The following SGMS2 variants were observed in gnomAD, a reference collection of about 807,000 sequenced individuals.
SGMS2 encodes the protein phosphatidylcholine:ceramide cholinephosphotransferase 2.
A neutral mutation model predicts 43.8 loss-of-function variants in SGMS2; 21 were observed. The observed-to-expected ratio is 0.48, with a 90% CI of 0.34 to 0.69. SGMS2 has a LOEUF of 0.69. Among genes scored for constraint, SGMS2 ranks in the 30% least tolerant of loss-of-function variants. The pLI is 0.01. For missense variants in SGMS2, 384 were observed against 443.2 expected (o/e 0.87, Z 1.20); for synonymous variants, 167 against 160.6 (o/e 1.04, Z -0.30).
chr4:107,830,140 C>T (rs1725809368), intron 1 of SGMS2, among the ~76,000 whole-genome samples: 1 of 152,166 alleles, frequency 6.6e-6, no homozygotes. Flanking sequence ...ATTTGGTTTT[C>T]TGTTCCTGTG....
At chr4:107,859,861 A>G (rs1411612931) in intron 2 of SGMS2, among the ~76,000 whole-genome samples, 2 of 152,184 alleles carry the variant, frequency 1.3e-5, no homozygotes, top group African/African-American at 2.4e-5. Context: ...CGTATGTTCT[A>G]ATTTAATCAC....
chr4:107,909,137 G>A (rs1273027472), intron 6 of SGMS2, among the ~76,000 whole-genome samples: 1 of 147,710 alleles, frequency 6.8e-6, no homozygotes, highest in African/African-American at 2.5e-5. Context: ...ACAGAGTCTT[G>A]TTCTATTGCC....
rs765796465 is a variant in SGMS2 at position 107,895,820 on chromosome 4, C to T, written c.267C>T (p.Asn89=). The T allele has an allele frequency of 5.0e-6, 8 of 1,613,848 alleles. No homozygotes were observed. In the South Asian group the frequency reaches 7.7e-5, roughly 16 times the overall value. The stretch of plus-strand genomic sequence containing the variant: ...TTGCCTTCATATATGCAGTTTTCAA[C>T]CTCGTCTTGACAACCGTCATGATCA... ...TGIAFIYAVF[N]LVLTTVMITV... The change falls in exon 3 of 7, where the codon AAC becomes AAT. Residue 89 remains asparagine (N), a synonymous_variant. Coordinates refer to ENST00000690982, the MANE Select transcript of SGMS2 (RefSeq NM_001375905.1).
chr4:107,847,081 G>A (rs1375379689), intron 1 of SGMS2, among the ~76,000 whole-genome samples: 1 of 151,674 alleles, frequency 6.6e-6, no homozygotes, highest in Admixed American at 6.6e-5. Flanking sequence ...CACTCTGATG[G>A]TAGTTTCTTT....
intron 2 of SGMS2, among the ~76,000 whole-genome samples, chr4:107,882,392 G>T (rs940152010): frequency 1.3e-5 from 2 of 152,092 alleles, no homozygotes; most frequent in African/African-American, 4.8e-5. Flanking sequence ...ATAGCTGTTT[G>T]CCATCTGTCT....
intron 1 of SGMS2, among the ~76,000 whole-genome samples, chr4:107,836,197 G>T (rs1578501778): frequency 1.3e-5 from 2 of 152,242 alleles, no homozygotes; most frequent in African/African-American, 4.8e-5. Flanking sequence ...GCACTCAGTT[G>T]CCACATGTGG....
intron 2 of SGMS2, among the ~76,000 whole-genome samples, chr4:107,885,388 T>C (rs1228847672): frequency 6.6e-6 from 1 of 152,194 alleles, no homozygotes; most frequent in Non-Finnish European, 1.5e-5. Context: ...AGTATCCAAT[T>C]GATGTTGCAA....
chr4:107,835,653 C>T lies in SGMS2; in HGVS notation c.-327+10400C>T, dbSNP rs563329447. ...ATTCTTGGTTAATAGTTTGCTTTGT[C>T]GTGCCAGTATCTCCATAACAGAATG... On this transcript the variant is annotated intron_variant, in intron 1 of 6. Coordinates refer to ENST00000690982, the MANE Select transcript of SGMS2 (RefSeq NM_001375905.1). 1.2e-4 allele frequency among the ~76,000 whole-genome samples: 19 copies of T among 152,168 alleles called. No homozygotes were observed. The South Asian group carries it at 3.7e-3, about 30-fold the overall frequency.
At chr4:107,844,118 C>G (rs1353548904) in intron 1 of SGMS2, among the ~76,000 whole-genome samples, 2 of 151,066 alleles carry the variant, frequency 1.3e-5, no homozygotes, top group African/African-American at 4.9e-5. Flanking sequence ...GTCAGGAGTT[C>G]GAGACTAGCC....
chr4:107,895,790 G>A lies in SGMS2; in HGVS notation c.237G>A (p.Thr79=), dbSNP rs1356329466. 1.9e-6 allele frequency: 3 copies of A among 1,613,788 alleles called. No homozygotes were observed. The highest frequency in any genetic ancestry group is 1.3e-5 in the African/African-American group (1 of 74,896). ...RNKFPLEWWK[T]GIAFIYAVFN... ...AATTTCCACTAGAGTGGTGGAAAACGGGCATTGCCTTCATATATGCAGTTT... is the reference window on the plus strand; with the variant it reads ...AATTTCCACTAGAGTGGTGGAAAACAGGCATTGCCTTCATATATGCAGTTT... The change falls in exon 3 of 7, where the codon ACG becomes ACA. Residue 79 remains threonine, a synonymous_variant. Transcript: ENST00000690982.
At chr4:107,857,076 T>C (rs1727468805) in intron 1 of SGMS2, among the ~76,000 whole-genome samples, 6 of 152,214 alleles carry the variant, frequency 3.9e-5, no homozygotes, top group Non-Finnish European at 8.8e-5. Context: ...TCTTTATGGA[T>C]TTGCCTATTC....
chr4:107,881,772 T>C (rs1030714496), intron 2 of SGMS2, among the ~76,000 whole-genome samples: 1 of 152,174 alleles, frequency 6.6e-6, no homozygotes, highest in Non-Finnish European at 1.5e-5. Context: ...CCACCACTAC[T>C]CTTCCCAGCC....
chr4:107,869,232 A>T (rs753543396), intron 2 of SGMS2, among the ~76,000 whole-genome samples: 10 of 152,176 alleles, frequency 6.6e-5, no homozygotes, highest in African/African-American at 1.4e-4. Flanking sequence ...AGTAGCACAT[A>T]CCAGGGAGTT....
At chr4:107,869,431 G>C (rs961570416) in intron 2 of SGMS2, among the ~76,000 whole-genome samples, 1 of 152,108 alleles carries the variant, frequency 6.6e-6, no homozygotes, top group Non-Finnish European at 1.5e-5. Context: ...GGAAGTGCAG[G>C]ATTTAGGGGA....
chr4:107,890,190 C>T (rs1730085550), intron 2 of SGMS2, among the ~76,000 whole-genome samples: 1 of 152,180 alleles, frequency 6.6e-6, no homozygotes, highest in South Asian at 2.1e-4. Context: ...TCTGTTTACA[C>T]TCTTCAAGTT....
rs917864155 is a variant in SGMS2 at position 107,910,352 on chromosome 4, C to G, written c.897C>G (p.Asn299Lys). The G allele has an allele frequency of 1.2e-6, 2 of 1,613,026 alleles. No homozygotes were observed. Among genetic ancestry groups the G allele is most frequent in the Admixed American group, 3.3e-5 (2 of 59,868 alleles). Residue 299 changes from asparagine (N) to lysine (K), a missense_variant and splice_region_variant, in exon 7 of 7, where the codon AAC (asparagine) becomes AAG (lysine). Asn to Lys is a moderately conservative substitution (Grantham distance 94, BLOSUM62 0). Coordinates refer to ENST00000690982, the MANE Select transcript of SGMS2 (RefSeq NM_001375905.1). ...WWYHSMANEK[N>K]LKVSSQTNFL... ...AAATTTTTTTCTACCATTTACAGAA[C>G]TTGAAGGTCTCTTCACAGACTAATT...
rs756990426 is a variant in SGMS2, at chr4:107,899,590, C to G, written c.471C>G (p.Arg157=). ...LFLRYKSIVG[R]RFCFIIGTLY... is the part of the protein sequence containing the mutation. ...TTTCTTTTAGGTCAATAGTGGGACG[C>G]AGATTCTGTTTTATTATTGGAACTT... Residue 157 remains arginine, a synonymous_variant, in exon 4 of 7, where the codon CGC becomes CGG. Transcript: ENST00000690982. The G allele has an allele frequency of 6.2e-7, 1 of 1,610,346 alleles. No homozygotes were observed. The highest frequency in any genetic ancestry group is 1.7e-5 in the Admixed American group (1 of 59,450).
At chr4:107,837,240 G>C (rs1175389572) in intron 1 of SGMS2, among the ~76,000 whole-genome samples, 1 of 152,196 alleles carries the variant, frequency 6.6e-6, no homozygotes, top group Non-Finnish European at 1.5e-5. Flanking sequence ...GTGTTGAAAA[G>C]CAGGACTGAT....
intron 6 of SGMS2, among the ~76,000 whole-genome samples, chr4:107,908,964 A>G (rs1210312791): frequency 6.6e-6 from 1 of 152,226 alleles, no homozygotes; most frequent in Non-Finnish European, 1.5e-5. Flanking sequence ...AATTCAGGTA[A>G]CTTAAACTAG....
Sources: allele counts gnomAD v4.1 joint callset (sites outside exome capture counted in the v4.1 genomes callset), GRCh38; gene constraint gnomAD v4.1.1; transcripts MANE v1.5; gene names NCBI Gene and HGNC (gene_info 2026-07-23, HGNC 2026-07-21).